Variants in EYS observed in about 807,000 individuals in gnomAD.
The protein encoded by EYS is protein eyes shut homolog.
A neutral mutation model predicts 282.1 loss-of-function variants in EYS; 250 were observed. That is an observed-to-expected ratio of 0.89 (90% CI 0.80 to 0.98). EYS has a LOEUF of 0.98. Among genes scored for constraint, EYS ranks in the 50% least tolerant of loss-of-function variants. EYS has a pLI of 0.00. For missense variants in EYS, 4,016 were observed against 3,709.0 expected (o/e 1.08, Z -2.15); for synonymous variants, 1,355 against 1,282.9 (o/e 1.06, Z -1.20).
At chr6:65,133,107 T>C (rs1775927451) in intron 12 of EYS, among the ~76,000 whole-genome samples, 1 of 151,998 alleles carries the variant, frequency 6.6e-6, no homozygotes, top group Non-Finnish European at 1.5e-5. Flanking sequence ...GTAGGAAGAA[T>C]CAATATCATT....
chr6:64,300,059 C>A (rs1769179430), intron 30 of EYS, among the ~76,000 whole-genome samples: 2 of 152,162 alleles, frequency 1.3e-5, no homozygotes, highest in Admixed American at 1.3e-4. Flanking sequence ...AGTTATGGGA[C>A]CCTATCTTAG....
At chr6:64,499,772 CATAACA>C (rs1776984047) in intron 26 of EYS, among the ~76,000 whole-genome samples, 1 of 152,034 alleles carries the variant, frequency 6.6e-6, no homozygotes, top group African/African-American at 2.4e-5. Context: ...AGAACTGTAA[CATAACA>C]ATAAGTTATG....
intron 41 of EYS, among the ~76,000 whole-genome samples, chr6:63,761,318 G>A (rs1227603262): frequency 6.6e-6 from 1 of 151,906 alleles, no homozygotes; most frequent in African/African-American, 2.4e-5. Flanking sequence ...ATGTCACTAT[G>A]AGAGACTGAT....
chr6:64,597,380 A>G (rs1343692338), intron 24 of EYS, among the ~76,000 whole-genome samples: 1 of 152,220 alleles, frequency 6.6e-6, no homozygotes, highest in African/African-American at 2.4e-5. Flanking sequence ...CAGCCAAAGG[A>G]AAATAAATCA....
chr6:64,687,857 T>A (rs1770215220), intron 22 of EYS, among the ~76,000 whole-genome samples: 1 of 152,158 alleles, frequency 6.6e-6, no homozygotes, highest in Non-Finnish European at 1.5e-5. Flanking sequence ...TCCTGGAATT[T>A]TTTTTGGTTG....
intron 12 of EYS, among the ~76,000 whole-genome samples, chr6:65,158,469 G>A (rs1764778423): frequency 2.0e-5 from 3 of 150,840 alleles, no homozygotes; most frequent in African/African-American, 4.8e-5. Context: ...TAATTCTTAT[G>A]TCATAGTCAT....
chr6:65,508,747 G>A (rs908979266), intron 2 of EYS, among the ~76,000 whole-genome samples: 1 of 151,972 alleles, frequency 6.6e-6, no homozygotes, highest in Non-Finnish European at 1.5e-5. Flanking sequence ...CAGGGGGCTA[G>A]AGTATGACAA....
chr6:65,239,274 G>A (rs1766999953), intron 12 of EYS, among the ~76,000 whole-genome samples: 1 of 151,894 alleles, frequency 6.6e-6, no homozygotes, highest in Admixed American at 6.6e-5. Context: ...AATTAATAAA[G>A]CATTTCTATA....
At chr6:63,988,614 C>T (rs1767473895) in intron 34 of EYS, among the ~76,000 whole-genome samples, 1 of 151,510 alleles carries the variant, frequency 6.6e-6, no homozygotes, top group African/African-American at 2.4e-5. Flanking sequence ...ATAATTATTC[C>T]TAAGGAGACA....
At chr6:64,553,277 AT>A (rs1765143465) in intron 26 of EYS, among the ~76,000 whole-genome samples, 1 of 152,190 alleles carries the variant, frequency 6.6e-6, no homozygotes, top group African/African-American at 2.4e-5. Context: ...TATCATGAGC[AT>A]AGTAAGCGAT....
At chr6:64,982,406 G>A (rs559423545) in intron 14 of EYS, among the ~76,000 whole-genome samples, 13 of 151,296 alleles carry the variant, frequency 8.6e-5, no homozygotes, top group African/African-American at 3.1e-4. Context: ...TTTATTTACT[G>A]TGTTGCTTTT....
intron 12 of EYS, among the ~76,000 whole-genome samples, chr6:65,178,950 C>G (rs1336905271): frequency 6.6e-6 from 1 of 152,096 alleles, no homozygotes; most frequent in African/African-American, 2.4e-5. Context: ...ACAACCTGCT[C>G]CTGAATGACT....
At chr6:64,948,717 A>G (rs1769383897) in intron 14 of EYS, among the ~76,000 whole-genome samples, 1 of 151,080 alleles carries the variant, frequency 6.6e-6, no homozygotes, top group Non-Finnish European at 1.5e-5. Context: ...GGAAAGTATT[A>G]TTAAAATGTG....
chr6:64,507,938 C>T (rs1454811859), intron 26 of EYS, among the ~76,000 whole-genome samples: 1 of 152,076 alleles, frequency 6.6e-6, no homozygotes, highest in Non-Finnish European at 1.5e-5. Flanking sequence ...CAAAGCAATA[C>T]CAAGGGCTTT....
chr6:64,949,682 A>G (rs1769416739), intron 14 of EYS, among the ~76,000 whole-genome samples: 3 of 151,796 alleles, frequency 2.0e-5, no homozygotes, highest in Admixed American at 1.3e-4. Context: ...TACAGGTTTC[A>G]CTCACACCCA....
At chr6:63,747,544 G>C (rs566092923) in intron 41 of EYS, among the ~76,000 whole-genome samples, 168 of 152,168 alleles carry the variant, frequency 1.1e-3, no homozygotes, top group Non-Finnish European at 1.8e-3. Context: ...TTGACAGTGG[G>C]GTGTTAAAGT....
At chr6:64,718,269 C>T (rs1327608268) in intron 22 of EYS, among the ~76,000 whole-genome samples, 2 of 152,060 alleles carry the variant, frequency 1.3e-5, no homozygotes, top group South Asian at 2.1e-4. Flanking sequence ...ATCTACCAGC[C>T]GCCTTAGCTG....
intron 29 of EYS, among the ~76,000 whole-genome samples, chr6:64,332,402 A>ATATCC: frequency 6.6e-6 from 1 of 152,332 alleles, no homozygotes; most frequent in East Asian, 1.9e-4. Flanking sequence ...AGTCTCACAG[A>ATATCC]TGCAGTATAT....
At chr6:64,711,818 C>G (rs971077386) in intron 22 of EYS, among the ~76,000 whole-genome samples, 10 of 152,294 alleles carry the variant, frequency 6.6e-5, no homozygotes, top group African/African-American at 2.4e-4. Context: ...CAGGCCATCT[C>G]CTCCTCTACC....
Sources: gnomAD v4.1 joint callset for allele counts (sites outside exome capture counted in the v4.1 genomes callset) on GRCh38, gnomAD v4.1.1 for gene constraint, MANE v1.5 for transcripts, NCBI Gene and HGNC (gene_info 2026-07-23, HGNC 2026-07-21) for gene names.